The following LIX1L variants were observed in gnomAD, a reference collection of about 807,000 sequenced individuals.
LIX1L encodes the protein limb and CNS expressed 1 like, also known as LIX1-like protein.
A neutral mutation model predicts 34.0 loss-of-function variants in LIX1L; 20 were observed. The observed-to-expected ratio is 0.59, with a 90% CI of 0.41 to 0.85. The LOEUF is 0.85. LIX1L is among the 40% of genes least tolerant of loss of function. The probability of loss-of-function intolerance (pLI) is 0.00; values close to 1 mark genes in which losing one functional copy is unlikely to be tolerated. For missense variants in LIX1L, 397 were observed against 447.0 expected (o/e 0.89, Z 1.01); for synonymous variants, 170 against 187.4 (o/e 0.91, Z 0.76).
chr1:145,945,755 A>G (rs1374620103), intron 2 of LIX1L, among the ~76,000 whole-genome samples: 1 of 142,164 alleles, frequency 7.0e-6, no homozygotes, highest in Non-Finnish European at 1.5e-5. Context: ...TCTCAAAAAA[A>G]AAAAAAAAAA....
chr1:145,945,603 C>T (rs1009749322), intron 2 of LIX1L, among the ~76,000 whole-genome samples: 8 of 151,500 alleles, frequency 5.3e-5, no homozygotes, highest in Admixed American at 6.6e-5. Flanking sequence ...AAAAAATTAG[C>T]TGAGCGTGGT....
rs1648551770 is a variant in LIX1L, at chr1:145,934,524, A to G, written c.*1786T>C. ...GGGAGGCGGAGCTTGCAGTGAGCCG[A>G]GATAGCGCCACTGCACTCCAGCCTG... is the stretch of plus-strand genomic sequence containing the variant. On this transcript the variant is annotated 3_prime_UTR_variant, in exon 6 of 6. Coordinates refer to ENST00000604000, the MANE Select transcript of LIX1L (RefSeq NM_153713.3). 6.7e-6 allele frequency: 1 copy of G among 148,562 alleles called. No homozygotes were observed. The highest frequency in any genetic ancestry group is 1.5e-5 in the Non-Finnish European group (1 of 67,624). The allele number at this position is 148,562 out of a possible 1,614,324, so 9.2% of individuals were successfully genotyped here.
intron 1 of LIX1L, among the ~76,000 whole-genome samples, chr1:145,953,816 G>A (rs1286060649): frequency 6.6e-6 from 1 of 152,178 alleles, no homozygotes; most frequent in East Asian, 1.9e-4. Flanking sequence ...CACTTTGGGA[G>A]GCCAAAGCAG....
chr1:145,947,498 C>T, intron 2 of LIX1L, 121 bp downstream of exon 2: 1 of 1,041,286 alleles, frequency 9.6e-7, no homozygotes, highest in Non-Finnish European at 1.4e-6. Context: ...AATAATTTCC[C>T]CAGAATTGCT....
intron 3 of LIX1L, chr1:145,941,812 A>G (rs1233836513): frequency 6.6e-6 from 1 of 152,182 alleles, no homozygotes; most frequent in African/African-American, 2.4e-5. Context: ...TGATGATCAA[A>G]TGAGGTAAAA....
At chr1:145,952,206 A>T (rs1649321982) in intron 1 of LIX1L, among the ~76,000 whole-genome samples, 1 of 152,224 alleles carries the variant, frequency 6.6e-6, no homozygotes, top group Admixed American at 6.5e-5. Context: ...TCCAAGGTCC[A>T]GTCCACAGCT....
At chr1:145,951,993 A>G (rs1649314068) in intron 1 of LIX1L, among the ~76,000 whole-genome samples, 1 of 151,032 alleles carries the variant, frequency 6.6e-6, no homozygotes, top group South Asian at 2.2e-4. Context: ...GAAAAAAGCA[A>G]CTAATTGTGA....
chr1:145,950,382 G>GT, intron 1 of LIX1L: 1 of 152,006 alleles, frequency 6.6e-6, no homozygotes, highest in Non-Finnish European at 1.5e-5. Flanking sequence ...TGTTGTTGTT[G>GT]TTGTTTTTTT....
At chr1:145,944,083 A>T (rs1171985291) in intron 2 of LIX1L, among the ~76,000 whole-genome samples, 5 of 145,908 alleles carry the variant, frequency 3.4e-5, no homozygotes, top group African/African-American at 1.0e-4. Flanking sequence ...GGGGTTGGGC[A>T]TGGTGGCTCA....
At chr1:145,941,878 T>G (rs1648931997) in intron 3 of LIX1L, 1 of 152,142 alleles carries the variant, frequency 6.6e-6, no homozygotes, top group Non-Finnish European at 1.5e-5. Context: ...CAATTAGGAT[T>G]AATTATGGTT....
At chr1:145,950,002 G>A (rs934445675) in intron 1 of LIX1L, among the ~76,000 whole-genome samples, 9 of 151,922 alleles carry the variant, frequency 5.9e-5, no homozygotes, top group African/African-American at 2.2e-4. Context: ...TTTTTGTAGA[G>A]ACAGAGTTTC....
Position 145,934,285 on chromosome 1 carries a change from CA to C in LIX1L, c.*2024del, listed in dbSNP as rs1179231754. 6.6e-6 allele frequency: 1 copy of C among 152,136 alleles called. No homozygotes were observed. Among genetic ancestry groups the C allele is most frequent in the African/African-American group, 2.4e-5 (1 of 41,434 alleles). 9.4% of individuals were successfully genotyped at this position (152,136 alleles called of 1,614,324 possible). A position where few individuals can be genotyped will look rare whatever the true frequency, so the allele number is the denominator to read the frequency against. ...GTGGGGGAGAATGGTGTTAAAAACA[CA>C]AATAGTGCCGGGCGCGGTGGCTCAC... On this transcript the variant is annotated 3_prime_UTR_variant, in exon 6 of 6. Coordinates refer to ENST00000604000, the MANE Select transcript of LIX1L (RefSeq NM_153713.3).
chr1:145,946,200 C>CTTTTTTT (rs5777570), intron 2 of LIX1L, among the ~76,000 whole-genome samples: 1 of 138,040 alleles, frequency 7.2e-6, no homozygotes, highest in East Asian at 2.1e-4. Context: ...GACTGAAGTT[C>CTTTTTTT]TTTTTTTTTT....
At chr1:145,953,183 G>A (rs1649362309) in intron 1 of LIX1L, among the ~76,000 whole-genome samples, 1 of 152,092 alleles carries the variant, frequency 6.6e-6, no homozygotes, top group Non-Finnish European at 1.5e-5. Context: ...CCAAAATGCT[G>A]GGATTACAGG....
chr1:145,937,719 A>G lies in LIX1L; in HGVS notation c.598-20T>C. On this transcript the variant is annotated intron_variant, in intron 3 of 5. Transcript: ENST00000604000. ...GTTGCCCTGGTAGTAGAGGAACAGA[A>G]AAGACAAATAGATTTTCAACCAGGA... 7.0e-7 allele frequency: 1 copy of G among 1,420,120 alleles called. No individual in the cohort carries two copies. Among genetic ancestry groups the G allele is most frequent in the South Asian group, 1.1e-5 (1 of 87,008 alleles). The allele number at this position is 1,420,120 out of a possible 1,614,324, so 88.0% of individuals were successfully genotyped here.
At chr1:145,953,396 C>T (rs185069809) in intron 1 of LIX1L, among the ~76,000 whole-genome samples, 1 of 152,026 alleles carries the variant, frequency 6.6e-6, no homozygotes, top group Middle Eastern at 3.2e-3. Flanking sequence ...AAAAGATTCT[C>T]CTTGATCATA....
Position 145,942,822 on chromosome 1 carries a change from C to A in LIX1L, c.488G>T (p.Ser163Ile). 1 of 1,614,170 alleles carries A rather than the reference C, an allele frequency of 6.2e-7. No homozygotes were observed. The highest frequency in any genetic ancestry group is 8.5e-7 in the Non-Finnish European group (1 of 1,180,000). ...ATTCATTAGCGCAATCTTTGCAGCA[C>A]TCCTCCGGGCCTCAGCTTTTGTGGG... The part of the protein sequence containing the change: ...FCPTKAEARR[S>I]AAKIALMNSV... Residue 163 changes from serine to isoleucine, a missense_variant, in exon 3 of 6, where the codon AGT becomes ATT. Physicochemically the swap from Ser to Ile is moderately radical, Grantham distance 142. This residue lies in a region of LIX1L where 16 missense variants were observed against 37.8 expected (regional missense o/e 0.42). Transcript: ENST00000604000.
chr1:145,933,570 G>A lies in LIX1L; in HGVS notation c.*2740C>T, dbSNP rs1403071134. The A allele has an allele frequency of 6.6e-6, 1 of 152,106 alleles. No homozygotes were observed. Among genetic ancestry groups the A allele is most frequent in the Non-Finnish European group, 1.5e-5 (1 of 68,026 alleles). 9.4% of individuals were successfully genotyped at this position (152,106 alleles called of 1,614,324 possible). On this transcript the variant is annotated 3_prime_UTR_variant, in exon 6 of 6. Coordinates refer to ENST00000604000, the MANE Select transcript of LIX1L (RefSeq NM_153713.3). ...CAAGTTATTTGGGATCTTACTGGTT[G>A]GTATTTGAGAAAAATAATAAATCCA...
chr1:145,956,240 A>C (rs1649468769), intron 1 of LIX1L, among the ~76,000 whole-genome samples: 1 of 152,190 alleles, frequency 6.6e-6, no homozygotes, highest in African/African-American at 2.4e-5. Context: ...TGAAGAACAA[A>C]GGGAAATTGA....
Sources: gnomAD v4.1 joint callset for allele counts (sites outside exome capture counted in the v4.1 genomes callset) on GRCh38, gnomAD v4.1.1 for gene constraint, gnomAD v4.1.1 regional missense constraint, MANE v1.5 for transcripts, NCBI Gene and HGNC (gene_info 2026-07-23, HGNC 2026-07-21) for gene names.